Variants in DOP1B observed in about 807,000 individuals in gnomAD.
The protein encoded by DOP1B is DOP1 leucine zipper like protein B.
Under a neutral mutation model 233.5 loss-of-function variants are expected in DOP1B, and 174 were observed. The observed-to-expected ratio is 0.75, with a 90% CI of 0.66 to 0.85. The LOEUF (loss-of-function observed/expected upper bound fraction) is 0.85, where lower values mean the gene tolerates loss of function less well. Among genes scored for constraint, DOP1B ranks in the 40% least tolerant of loss-of-function variants. DOP1B has a pLI of 0.00. For synonymous variants in DOP1B, 1,190 were observed against 1,185.6 expected (o/e 1.00, Z -0.08); for missense variants, 2,652 against 2,846.6 (o/e 0.93, Z 1.56).
chr21:36,290,109 CAGG>C (rs1385060626), intron 35 of DOP1B, among the ~76,000 whole-genome samples: 1 of 152,122 alleles, frequency 6.6e-6, no homozygotes, highest in Non-Finnish European at 1.5e-5. Context: ...CACTCTGGTG[CAGG>C]ATGTTGATAA....
chr21:36,179,288 G>A (rs887364170), intron 2 of DOP1B, among the ~76,000 whole-genome samples: 2 of 152,186 alleles, frequency 1.3e-5, no homozygotes, highest in African/African-American at 4.8e-5. Flanking sequence ...TTGCCAAAGT[G>A]GTTGTATCAT....
Position 36,214,141 on chromosome 21 carries a change from A to G in DOP1B, c.965A>G (p.Asp322Gly). 6.2e-7 allele frequency: 1 copy of G among 1,613,988 alleles called. No individual in the cohort carries two copies. Among genetic ancestry groups the G allele is most frequent in the Admixed American group, 1.7e-5 (1 of 59,980 alleles). The change falls in exon 8 of 37, where the codon GAC becomes GGC. Residue 322 changes from aspartate to glycine, a missense_variant. Around this residue, in one of 3 missense-constraint regions of DOP1B, gnomAD observed 2,617 missense variants for 2,794.3 expected, o/e 0.94. Transcript: ENST00000691173. ...PESEISNSYEDQSSYFFEKYS... is the reference protein window; with the variant it reads ...PESEISNSYEGQSSYFFEKYS... ...TCTGAAATCTCAAATTCTTATGAAG[A>G]CCAGTCGTCTTATTTTTTTGAAAAA...
At chr21:36,258,253 A>G (rs1014639254) in intron 23 of DOP1B, among the ~76,000 whole-genome samples, 1 of 152,144 alleles carries the variant, frequency 6.6e-6, no homozygotes, top group African/African-American at 2.4e-5. Flanking sequence ...CTAAAAAGAA[A>G]AAAAAAATTA....
At chr21:36,260,196 AAAAGG>A (rs890229221) in intron 23 of DOP1B, among the ~76,000 whole-genome samples, 3 of 149,136 alleles carry the variant, frequency 2.0e-5, no homozygotes, top group Non-Finnish European at 3.0e-5. Flanking sequence ...CAAAGAAAGA[AAAAGG>A]AAAGGGAAGG....
chr21:36,272,185 T>C (rs115881586), intron 27 of DOP1B, among the ~76,000 whole-genome samples: 22 of 151,410 alleles, frequency 1.5e-4, no homozygotes, highest in African/African-American at 4.8e-4. Flanking sequence ...TCATTATTAC[T>C]TCTACGAAAA....
At chr21:36,166,055 G>T (rs2065908804) in intron 2 of DOP1B, among the ~76,000 whole-genome samples, 1 of 151,600 alleles carries the variant, frequency 6.6e-6, no homozygotes, top group Admixed American at 6.6e-5. Flanking sequence ...GATGATCTGA[G>T]GTGGTACAAC....
intron 5 of DOP1B, among the ~76,000 whole-genome samples, chr21:36,209,606 G>A (rs979653989): frequency 4.6e-5 from 7 of 151,746 alleles, no homozygotes; most frequent in African/African-American, 9.7e-5. Context: ...CTCCCTTGGC[G>A]TCCTCCCCCT....
intron 13 of DOP1B, among the ~76,000 whole-genome samples, chr21:36,228,371 G>A (rs976100651): frequency 2.0e-5 from 3 of 152,062 alleles, no homozygotes; most frequent in African/African-American, 7.2e-5. Context: ...GCTGAGGCTG[G>A]AGAATCTCTT....
intron 4 of DOP1B, among the ~76,000 whole-genome samples, chr21:36,207,063 C>A (rs548926520): frequency 6.6e-6 from 1 of 152,066 alleles, no homozygotes; most frequent in Non-Finnish European, 1.5e-5. Flanking sequence ...CCTGGAGTCA[C>A]TTGCTCAAAT....
chr21:36,248,014 C>CT (rs2066989479), intron 20 of DOP1B, among the ~76,000 whole-genome samples: 1 of 152,178 alleles, frequency 6.6e-6, no homozygotes, highest in Non-Finnish European at 1.5e-5. Context: ...TTATAGTCAT[C>CT]TTTTTCCATG....
At chr21:36,263,337 A>G (rs536675018) in intron 24 of DOP1B, among the ~76,000 whole-genome samples, 17 of 152,126 alleles carry the variant, frequency 1.1e-4, no homozygotes, top group Non-Finnish European at 2.4e-4. Context: ...ACCTGCCAGC[A>G]GTAGGATTTC....
chr21:36,266,540 G>A (rs1247400926), intron 26 of DOP1B, among the ~76,000 whole-genome samples: 1 of 152,212 alleles, frequency 6.6e-6, no homozygotes, highest in East Asian at 1.9e-4. Context: ...AGGTACGTGG[G>A]AAGGGGCACA....
Position 36,236,777 on chromosome 21 carries a change from C to CTTTTTTTTTTTTTTTTTTTTTTTTTTT in DOP1B, c.2623-468_2623-467insTTTTTTTTTTTTTTTTTTTTTTTTTTT, listed in dbSNP as rs35374710. Among the ~76,000 whole-genome samples, 4 of 118,572 alleles carry CTTTTTTTTTTTTTTTTTTTTTTTTTTT rather than the reference C, an allele frequency of 3.4e-5. 1 individual carries two copies. The highest frequency in any genetic ancestry group is 5.0e-5 in the Non-Finnish European group (3 of 59,730). 77.8% of individuals were successfully genotyped at this position (118,572 alleles called of 152,430 possible). A position where few individuals can be genotyped will look rare whatever the true frequency, so the allele number is the denominator to read the frequency against. On this transcript the variant is annotated intron_variant, in intron 15 of 36. Coordinates refer to ENST00000691173, the MANE Select transcript of DOP1B (RefSeq NM_001320714.2). The stretch of plus-strand genomic sequence containing the variant: ...TTTTTTCTTTTTTCTTTTTCTTTTT[C>CTTTTTTTTTTTTTTTTTTTTTTTTTTT]TTTTTTTTTTTTTTTTTGAGACAGA...
intron 2 of DOP1B, among the ~76,000 whole-genome samples, chr21:36,175,056 C>T (rs2066008542): frequency 6.6e-6 from 1 of 152,072 alleles, no homozygotes; most frequent in African/African-American, 2.4e-5. Flanking sequence ...TGTCTTCTCC[C>T]TGGGTCCTCA....
At chr21:36,282,210 C>G (rs1311180331) in intron 32 of DOP1B, among the ~76,000 whole-genome samples, 2 of 152,080 alleles carry the variant, frequency 1.3e-5, no homozygotes, top group Non-Finnish European at 2.9e-5. Context: ...GACTTGAGAT[C>G]AGGAGTTCAA....
intron 9 of DOP1B, 88 bp downstream of exon 9, chr21:36,214,644 C>A: frequency 1.8e-6 from 2 of 1,113,636 alleles, no homozygotes; most frequent in Non-Finnish European, 2.6e-6. Context: ...ACAACCAAAG[C>A]GTTATTTTGA....
intron 2 of DOP1B, among the ~76,000 whole-genome samples, chr21:36,196,148 G>A (rs973732109): frequency 6.6e-6 from 1 of 152,356 alleles, no homozygotes; most frequent in South Asian, 2.1e-4. Flanking sequence ...GTCCCAAATA[G>A]CAGAAGTCTT....
rs1367637801 is a variant in DOP1B at position 36,208,857 on chromosome 21, C to T, written c.634C>T (p.Pro212Ser). 5.1e-6 allele frequency: 8 copies of T among 1,573,554 alleles called. No individual in the cohort carries two copies. The highest frequency in any genetic ancestry group is 1.4e-5 in the African/African-American group (1 of 73,252). ...FVVGHINRDA[P>S]GREQKYMLGT... ...GGTGGGCCACATCAACAGGGATGCCCCCGGCCGGGAGCAGAAGTACATGCT... is the reference window on the plus strand; with the variant it reads ...GGTGGGCCACATCAACAGGGATGCCTCCGGCCGGGAGCAGAAGTACATGCT... Residue 212 changes from proline to serine, a missense_variant, in exon 5 of 37, where the codon CCC becomes TCC. This residue lies in a region of DOP1B where 2,617 missense variants were observed against 2,794.3 expected (regional missense o/e 0.94). Coordinates refer to ENST00000691173, the MANE Select transcript of DOP1B (RefSeq NM_001320714.2).
intron 4 of DOP1B, among the ~76,000 whole-genome samples, chr21:36,207,445 C>T (rs974967162): frequency 6.6e-6 from 1 of 151,388 alleles, no homozygotes; most frequent in Non-Finnish European, 1.5e-5. Flanking sequence ...TCAGCCTCCC[C>T]GAGTGCTGGG....
Sources: allele counts gnomAD v4.1 joint callset (sites outside exome capture counted in the v4.1 genomes callset), GRCh38; gene constraint gnomAD v4.1.1; regional missense constraint gnomAD v4.1.1; transcripts MANE v1.5; gene names NCBI Gene and HGNC (gene_info 2026-07-23, HGNC 2026-07-21).